CDH18: variants seen among roughly 807,000 people sequenced by gnomAD.
CDH18 encodes cadherin-18.
Under a neutral mutation model 67.9 loss-of-function variants are expected in CDH18, and 31 were observed. That is an observed-to-expected ratio of 0.46 (90% CI 0.34 to 0.62). The LOEUF is 0.62. CDH18 is among the 20% of genes least tolerant of loss of function. CDH18 has a pLI of 0.01. For missense variants in CDH18, 890 were observed against 975.5 expected (o/e 0.91, Z 1.17); for synonymous variants, 362 against 347.2 (o/e 1.04, Z -0.48).
chr5:20,449,770 A>G (rs956705088), intron 1 of CDH18, among the ~76,000 whole-genome samples: 1 of 151,970 alleles, frequency 6.6e-6, no homozygotes, highest in Admixed American at 6.6e-5. Context: ...GTACTCCTGT[A>G]AAGTCTAGGG....
At chr5:19,619,828 T>G (rs917610739) in intron 5 of CDH18, among the ~76,000 whole-genome samples, 1 of 152,174 alleles carries the variant, frequency 6.6e-6, no homozygotes, top group African/African-American at 2.4e-5. Flanking sequence ...CATTTGTGAC[T>G]CCAAGCTTCC....
rs6862774 is a variant in CDH18 at position 19,872,697 on chromosome 5, A to T, written c.-256-33455T>A. Among the ~76,000 whole-genome samples, 484 of 152,328 alleles carry T rather than the reference A, an allele frequency of 3.2e-3. 2 individuals are homozygous for T. Among genetic ancestry groups the T allele is most frequent in the Middle Eastern group, 0.01 (3 of 294 alleles). On this transcript the variant is annotated intron_variant, in intron 2 of 12. Coordinates refer to ENST00000382275, the MANE Select transcript of CDH18 (RefSeq NM_004934.5). ...CTTGTGAGATCCTGAGCAGAGCTTC[A>T]GTTAAGTCAGCTAAGTCAGTTAAGG...
At chr5:20,476,380 A>G (rs1247787407) in intron 1 of CDH18, among the ~76,000 whole-genome samples, 1 of 152,102 alleles carries the variant, frequency 6.6e-6, no homozygotes, top group African/African-American at 2.4e-5. Context: ...AAATACCAAC[A>G]TAAAGAAAAA....
chr5:20,369,046 ATCTTTT>A (rs1742755112), intron 1 of CDH18, among the ~76,000 whole-genome samples: 1 of 152,096 alleles, frequency 6.6e-6, no homozygotes, highest in Non-Finnish European at 1.5e-5. Context: ...TTGGAAATAA[ATCTTTT>A]TCTTCTTCTT....
At chr5:20,094,595 G>A (rs1355649398) in intron 2 of CDH18, among the ~76,000 whole-genome samples, 1 of 152,138 alleles carries the variant, frequency 6.6e-6, no homozygotes, top group Non-Finnish European at 1.5e-5. Flanking sequence ...CTACCCAGTA[G>A]CATGGAATGT....
chr5:20,555,380 C>A (rs932798671), intron 1 of CDH18, among the ~76,000 whole-genome samples: 1 of 107,466 alleles, frequency 9.3e-6, no homozygotes, highest in Non-Finnish European at 1.9e-5. Flanking sequence ...CAAGCTAAGA[C>A]AAGCCAGAAC....
chr5:19,800,760 A>G (rs1777376521), intron 3 of CDH18, among the ~76,000 whole-genome samples: 1 of 152,204 alleles, frequency 6.6e-6, no homozygotes, highest in South Asian at 2.1e-4. Context: ...GTTGGTTTTT[A>G]TCTGTAAGGA....
At chr5:20,444,857 G>T (rs961675048) in intron 1 of CDH18, among the ~76,000 whole-genome samples, 1 of 150,910 alleles carries the variant, frequency 6.6e-6, no homozygotes, top group Non-Finnish European at 1.5e-5. Flanking sequence ...TAAGAGAGAT[G>T]CTTCCAGTCT....
intron 2 of CDH18, among the ~76,000 whole-genome samples, chr5:19,916,737 G>A (rs1791839901): frequency 6.6e-6 from 1 of 151,948 alleles, no homozygotes; most frequent in Non-Finnish European, 1.5e-5. Context: ...TTTCTGTTAA[G>A]TTCTAGCAAT....
At chr5:20,568,208 T>A (rs749007291) in intron 1 of CDH18, among the ~76,000 whole-genome samples, 6 of 152,182 alleles carry the variant, frequency 3.9e-5, no homozygotes, top group Non-Finnish European at 5.9e-5. Context: ...AACCTAGTGT[T>A]AAAGAAAATG....
At chr5:20,340,981 G>T (rs938173248) in intron 1 of CDH18, among the ~76,000 whole-genome samples, 1 of 152,018 alleles carries the variant, frequency 6.6e-6, no homozygotes, top group African/African-American at 2.4e-5. Flanking sequence ...CAAACACTTT[G>T]TCTTCCCCTG....
chr5:20,108,233 C>T (rs1747141535), intron 2 of CDH18, among the ~76,000 whole-genome samples: 1 of 151,990 alleles, frequency 6.6e-6, no homozygotes. Flanking sequence ...GCATGTGCCA[C>T]CACGCCCGGC....
At chr5:19,529,420 A>G (rs985642357) in intron 9 of CDH18, among the ~76,000 whole-genome samples, 28 of 152,048 alleles carry the variant, frequency 1.8e-4, no homozygotes, top group African/African-American at 6.5e-4. Context: ...ATAAACAGAA[A>G]TGTAAGGATA....
At chr5:19,739,503 C>A (rs1342209957) in intron 4 of CDH18, among the ~76,000 whole-genome samples, 2 of 152,056 alleles carry the variant, frequency 1.3e-5, no homozygotes, top group Non-Finnish European at 2.9e-5. Context: ...AATGTATGAC[C>A]CTAGTGGAAG....
At chr5:20,340,779 TC>T (rs896111318) in intron 1 of CDH18, among the ~76,000 whole-genome samples, 36 of 152,242 alleles carry the variant, frequency 2.4e-4, no homozygotes, top group African/African-American at 8.2e-4. Flanking sequence ...TGGGCCTTCC[TC>T]CTCCTGTAGC....
chr5:20,562,689 C>A (rs1374102722), intron 1 of CDH18, among the ~76,000 whole-genome samples: 1 of 151,524 alleles, frequency 6.6e-6, no homozygotes, highest in African/African-American at 2.4e-5. Flanking sequence ...AAAACTGGAC[C>A]TTTATTCTTT....
chr5:19,836,324 C>T (rs549973447), intron 3 of CDH18, among the ~76,000 whole-genome samples: 3 of 152,126 alleles, frequency 2.0e-5, no homozygotes, highest in African/African-American at 2.4e-5. Flanking sequence ...TCCTCTCCAG[C>T]ATCTGTTGTT....
At chr5:19,681,515 A>G (rs565481418) in intron 5 of CDH18, among the ~76,000 whole-genome samples, 19 of 152,126 alleles carry the variant, frequency 1.2e-4, no homozygotes, top group African/African-American at 4.6e-4. Flanking sequence ...CTCAAAAACA[A>G]CCTAAAGATT....
At chr5:19,613,964 C>T (rs986857011) in intron 5 of CDH18, among the ~76,000 whole-genome samples, 3 of 151,992 alleles carry the variant, frequency 2.0e-5, no homozygotes, top group Non-Finnish European at 4.4e-5. Flanking sequence ...TGAAGCATGT[C>T]ATCTTTAATA....
Sources: gnomAD v4.1 joint callset for allele counts (sites outside exome capture counted in the v4.1 genomes callset) on GRCh38, gnomAD v4.1.1 for gene constraint, MANE v1.5 for transcripts, NCBI Gene and HGNC (gene_info 2026-07-23, HGNC 2026-07-21) for gene names.